The following SART3 variants were observed in gnomAD, a reference collection of about 807,000 sequenced individuals.
SART3 encodes the protein spliceosome associated factor 3, U4/U6 recycling protein.
Under a neutral mutation model 122.3 loss-of-function variants are expected in SART3, and 44 were observed. That is an observed-to-expected ratio of 0.36 (90% CI 0.28 to 0.46). The LOEUF (loss-of-function observed/expected upper bound fraction) is 0.46. Among genes scored for constraint, SART3 ranks in the 20% least tolerant of loss-of-function variants. The probability of loss-of-function intolerance (pLI) is 1.00; values close to 1 mark genes in which losing one functional copy is unlikely to be tolerated. For synonymous variants in SART3, 442 were observed against 454.0 expected, an observed-to-expected ratio of 0.97 and a Z score of 0.34; for missense variants, 1,101 against 1,229.0, an observed-to-expected ratio of 0.90 and a Z score of 1.56.
intron 17 of SART3, among the ~76,000 whole-genome samples, chr12:108,525,145 G>A (rs955383672): frequency 2.0e-5 from 3 of 152,312 alleles, no homozygotes; most frequent in South Asian, 2.1e-4. Context: ...GCAGGAGGGC[G>A]CCCACCCCAA....
At chr12:108,526,063 A>G (rs763554215) in intron 16 of SART3, 36 bp downstream of exon 16, 1 of 1,552,572 alleles carries the variant, frequency 6.4e-7, no homozygotes, top group Non-Finnish European at 8.9e-7. Flanking sequence ...TAAAGCAACC[A>G]CAGATGAAAG....
At chr12:108,531,647 T>A (rs1330796526) in intron 13 of SART3, 1 of 286,578 alleles carries the variant, frequency 3.5e-6, no homozygotes, top group Non-Finnish European at 6.7e-6. Context: ...GCAAGCCAGT[T>A]CTGAGGGGTC....
intron 14 of SART3, among the ~76,000 whole-genome samples, chr12:108,530,726 C>T (rs894768680): frequency 1.3e-5 from 2 of 152,082 alleles, no homozygotes; most frequent in Non-Finnish European, 2.9e-5. Context: ...GGTGTGGTAG[C>T]GGGCACCTGT....
Position 108,538,907 on chromosome 12 carries a change from A to G in SART3, c.1062+27T>C, listed in dbSNP as rs1450955724. Reference sequence around the variant, plus strand: ...AAGTAGATTCTAAATTGGCAAAAATAAAATGAAATTAGAACAGTGATCTTA... The same window carrying G: ...AAGTAGATTCTAAATTGGCAAAAATGAAATGAAATTAGAACAGTGATCTTA... On this transcript the variant is annotated intron_variant, in intron 7 of 18. Transcript: ENST00000546815. 7 of 1,613,960 alleles carry G rather than the reference A, an allele frequency of 4.3e-6. No individual in the cohort carries two copies. The Admixed American group carries it at 6.7e-5, about 15-fold the overall frequency.
intron 15 of SART3, among the ~76,000 whole-genome samples, chr12:108,529,700 G>A (rs1032116323): frequency 3.9e-5 from 6 of 152,114 alleles, no homozygotes; most frequent in Admixed American, 2.6e-4. Flanking sequence ...TCCTGCCCGA[G>A]ATGCATGAGT....
intron 1 of SART3, chr12:108,554,143 C>G (rs1023860527): frequency 3.7e-5 from 1 of 27,054 alleles, no homozygotes; most frequent in South Asian, 1.1e-3. Flanking sequence ...CCCGGCCCCC[C>G]TCCTATGCCA....
At chr12:108,556,683 A>C (rs2030232773) in intron 1 of SART3, among the ~76,000 whole-genome samples, 1 of 152,248 alleles carries the variant, frequency 6.6e-6, no homozygotes, top group African/African-American at 2.4e-5. Flanking sequence ...TCTGGTTCTT[A>C]AATGGGCTAT....
chr12:108,549,200 G>C lies in SART3; in HGVS notation c.327C>G (p.Val109=). The part of the protein sequence containing the change: ...ERLEEQLSIN[V]YDYNCHVDLI... ...AGTCCACATGGCAGTTGTAGTCATAGACGTTGATAGACAACTAACAGGAAA... is the reference window on the plus strand; with the variant it reads ...AGTCCACATGGCAGTTGTAGTCATACACGTTGATAGACAACTAACAGGAAA... The change falls in exon 2 of 19, where the codon GTC becomes GTG. Residue 109 remains valine, a synonymous_variant. Transcript: ENST00000546815. 3 of 1,614,192 alleles carry C rather than the reference G, an allele frequency of 1.9e-6. No homozygotes were observed. The South Asian group carries it at 3.3e-5, about 18-fold the overall frequency.
chr12:108,548,952 C>T, intron 2 of SART3, 136 bp downstream of exon 2: 1 of 1,324,162 alleles, frequency 7.6e-7, no homozygotes. Flanking sequence ...AAATAGCTAA[C>T]TCTGATGCGT....
intron 17 of SART3, 152 bp from the exon 18 acceptor site, chr12:108,524,658 TCC>T (rs1411070784): frequency 1.5e-6 from 1 of 684,546 alleles, no homozygotes. Context: ...CACCACCGCA[TCC>T]TCTGTCTACA....
At chr12:108,536,451 A>G (rs1872907849) in intron 11 of SART3, 63 bp downstream of exon 11, 7 of 1,504,776 alleles carry the variant, frequency 4.7e-6, no homozygotes, top group African/African-American at 1.4e-5. Flanking sequence ...TTTTAATTAA[A>G]GTTTAATAGG....
In SART3 at chr12:108,560,904, T is replaced by C. The variant is rs1411299860; in HGVS notation, c.251A>G (p.Glu84Gly). The C allele has an allele frequency of 6.2e-7, 1 of 1,613,178 alleles. No homozygotes were observed. Among genetic ancestry groups the C allele is most frequent in the Admixed American group, 1.7e-5 (1 of 59,976 alleles). ...CTCCTCCTCTTCGTCATATTCCCAC[T>C]CGTACTCCCCGGGGGAGCTCTCCGC... ...SSAESSPGEY[E>G]WEYDEEEEKN... The change falls in exon 1 of 19, where the codon GAG (glutamate) becomes GGG (glycine). Residue 84 changes from glutamate (E) to glycine (G), a missense_variant. Physicochemically the swap from Glu to Gly is moderately conservative, Grantham distance 98. Around this residue, in one of 2 missense-constraint regions of SART3, gnomAD observed 216 missense variants for 148.9 expected, o/e 1.45. Transcript: ENST00000546815.
At position 108,530,127 on chromosome 12, in the gene SART3, T is replaced by C; in HGVS notation, c.1915+15A>G. The C allele has an allele frequency of 6.2e-7, 1 of 1,614,038 alleles. No individual in the cohort carries two copies. The highest frequency in any genetic ancestry group is 8.5e-7 in the Non-Finnish European group (1 of 1,179,998). On this transcript the variant is annotated intron_variant, in intron 15 of 18. Transcript: ENST00000546815. Reference sequence around the variant, plus strand: ...TTAAGACGTTTCAAAACACAATTTCTCAAGAGCTCCTTACCTTCTTCATCA... The same window carrying C: ...TTAAGACGTTTCAAAACACAATTTCCCAAGAGCTCCTTACCTTCTTCATCA...
chr12:108,532,338 A>T lies in SART3; in HGVS notation c.1557-4T>A. On this transcript the variant is annotated splice_polypyrimidine_tract_variant and splice_region_variant and intron_variant, in intron 12 of 18. Transcript: ENST00000546815. Reference sequence around the variant, plus strand: ...GTGCTGGGTGTCACCATGAGCTCTAAGGCAGAAAACAAAAAGTTGCTGCCA... The same window carrying T: ...GTGCTGGGTGTCACCATGAGCTCTATGGCAGAAAACAAAAAGTTGCTGCCA... The T allele has an allele frequency of 6.2e-7, 1 of 1,613,626 alleles. No homozygotes were observed. The highest frequency in any genetic ancestry group is 1.7e-5 in the Admixed American group (1 of 60,024).
At chr12:108,525,808 C>T (rs891301817) in intron 16 of SART3, 199 bp from the exon 17 acceptor site, 24 of 645,376 alleles carry the variant, frequency 3.7e-5, no homozygotes, top group Non-Finnish European at 5.2e-5. Flanking sequence ...CTCTGTAAAA[C>T]GGCAAGAATA....
intron 15 of SART3, among the ~76,000 whole-genome samples, chr12:108,529,265 A>G (rs576550963): frequency 9.2e-5 from 14 of 152,230 alleles, no homozygotes; most frequent in Non-Finnish European, 2.1e-4. Flanking sequence ...ACACAAGTAA[A>G]TATGGTCATA....
Position 108,540,186 on chromosome 12 carries a change from C to T in SART3, c.907-1097G>A, listed in dbSNP as rs576890327. ...CAGTCAGACAAAAAAGTGACTACCT[C>T]TGAAGAAGCAAGATTTATACAAACC... On this transcript the variant is annotated intron_variant, in intron 6 of 18. Transcript: ENST00000546815. Among the ~76,000 whole-genome samples the T allele has an allele frequency of 3.3e-4, 51 of 152,320 alleles. No individual in the cohort carries two copies. The South Asian group carries it at 1.0e-2, about 30-fold the overall frequency.
chr12:108,559,599 AG>A (rs1350977475), intron 1 of SART3, among the ~76,000 whole-genome samples: 1 of 142,488 alleles, frequency 7.0e-6, no homozygotes, highest in Non-Finnish European at 1.5e-5. Flanking sequence ...AGGGCGGCAG[AG>A]GTTGCAGTGA....
At chr12:108,531,636 TGC>T in intron 13 of SART3, 1 of 295,540 alleles carries the variant, frequency 3.4e-6, no homozygotes, top group Non-Finnish European at 6.5e-6. Context: ...TGGTGGTCTT[TGC>T]AAGCCAGTTC....
Sources: allele counts gnomAD v4.1 joint callset (sites outside exome capture counted in the v4.1 genomes callset), GRCh38; gene constraint gnomAD v4.1.1; regional missense constraint gnomAD v4.1.1; transcripts MANE v1.5; gene names NCBI Gene and HGNC (gene_info 2026-07-23, HGNC 2026-07-21).